LRRC4C: variants seen among roughly 807,000 people sequenced by gnomAD.
LRRC4C encodes the protein leucine rich repeat containing 4C.
A neutral mutation model predicts 33.6 loss-of-function variants in LRRC4C; 5 were observed. The observed-to-expected ratio is 0.15, with a 90% CI of 0.08 to 0.31. The LOEUF (loss-of-function observed/expected upper bound fraction) is 0.31. Among genes scored for constraint, LRRC4C ranks in the 10% least tolerant of loss-of-function variants. The probability of loss-of-function intolerance (pLI) is 1.00; values close to 1 mark genes in which losing one functional copy is unlikely to be tolerated. For synonymous variants in LRRC4C, 329 were observed against 302.0 expected (o/e 1.09, Z -0.93); for missense variants, 560 against 796.7 (o/e 0.70, Z 3.58).
At position 41,053,786 on chromosome 11, in the gene LRRC4C, T is replaced by G. The variant is rs964983774; in HGVS notation, c.-495-120063A>C. 5.3e-5 allele frequency among the ~76,000 whole-genome samples: 8 copies of G among 152,346 alleles called. No individual in the cohort carries two copies. The East Asian group carries it at 1.5e-3, about 29-fold the overall frequency. On this transcript the variant is annotated intron_variant, in intron 1 of 6. Transcript: ENST00000528697. Reference sequence around the variant, plus strand: ...GAGATTATTTTAAAGGGAATTAATATGTTTCTTTTTATGTTTTTCCATTTA... The same window carrying G: ...GAGATTATTTTAAAGGGAATTAATAGGTTTCTTTTTATGTTTTTCCATTTA...
intron 3 of LRRC4C, among the ~76,000 whole-genome samples, chr11:40,577,175 C>T (rs983064874): frequency 2.0e-5 from 3 of 152,244 alleles, no homozygotes; most frequent in East Asian, 1.9e-4. Flanking sequence ...GATATTTAGA[C>T]GTTTAGAAAA....
intron 1 of LRRC4C, among the ~76,000 whole-genome samples, chr11:41,155,041 A>C (rs913488743): frequency 6.6e-6 from 1 of 152,086 alleles, no homozygotes; most frequent in Non-Finnish European, 1.5e-5. Flanking sequence ...TTGTATTAGA[A>C]ATTATATTAG....
intron 2 of LRRC4C, among the ~76,000 whole-genome samples, chr11:40,827,701 T>A (rs542043841): frequency 4.0e-4 from 60 of 151,106 alleles, no homozygotes; most frequent in Non-Finnish European, 1.5e-5. Context: ...TCTTGATGAA[T>A]AATGAAATGA....
intron 2 of LRRC4C, among the ~76,000 whole-genome samples, chr11:40,771,887 TTTCTGTC>T (rs1949771084): frequency 6.6e-6 from 1 of 152,180 alleles, no homozygotes. Context: ...TTCTCACATC[TTTCTGTC>T]TTCTGAGCCC....
At chr11:40,687,949 A>G (rs1044216282) in intron 2 of LRRC4C, among the ~76,000 whole-genome samples, 1 of 151,918 alleles carries the variant, frequency 6.6e-6, no homozygotes, top group African/African-American at 2.4e-5. Context: ...AAATACCTGG[A>G]TAAACAATAT....
intron 1 of LRRC4C, among the ~76,000 whole-genome samples, chr11:41,227,743 C>A (rs1947606471): frequency 6.6e-6 from 1 of 152,052 alleles, no homozygotes; most frequent in Non-Finnish European, 1.5e-5. Flanking sequence ...GCATTCCTTC[C>A]CAATTTTTCT....
chr11:41,184,499 T>C (rs1945599753), intron 1 of LRRC4C, among the ~76,000 whole-genome samples: 1 of 152,166 alleles, frequency 6.6e-6, no homozygotes, highest in Non-Finnish European at 1.5e-5. Flanking sequence ...CAAGAGTCAC[T>C]TTTGTTCCAG....
intron 1 of LRRC4C, among the ~76,000 whole-genome samples, chr11:41,087,153 G>A (rs1199299779): frequency 1.3e-5 from 2 of 151,994 alleles, no homozygotes; most frequent in Non-Finnish European, 2.9e-5. Flanking sequence ...TCATTTTTAA[G>A]TTAATCATTG....
intron 1 of LRRC4C, among the ~76,000 whole-genome samples, chr11:41,305,044 G>T (rs1300663588): frequency 5.0e-5 from 2 of 39,964 alleles, no homozygotes; most frequent in African/African-American, 1.6e-4. Context: ...CGGGAGGGAG[G>T]TGGGGGGGGG....
intron 2 of LRRC4C, among the ~76,000 whole-genome samples, chr11:40,885,232 T>C (rs1158710157): frequency 6.6e-6 from 1 of 152,136 alleles, no homozygotes; most frequent in Non-Finnish European, 1.5e-5. Flanking sequence ...AATTGTTAAA[T>C]TTAAAGTTAT....
intron 2 of LRRC4C, among the ~76,000 whole-genome samples, chr11:40,839,895 A>T (rs1435682551): frequency 6.6e-6 from 1 of 152,208 alleles, no homozygotes; most frequent in South Asian, 2.1e-4. Flanking sequence ...TGAAACATCT[A>T]GAAAAATAAA....
At chr11:40,826,947 T>C (rs1952192333) in intron 2 of LRRC4C, among the ~76,000 whole-genome samples, 1 of 151,980 alleles carries the variant, frequency 6.6e-6, no homozygotes, top group Admixed American at 6.6e-5. Flanking sequence ...CTGAGAAATA[T>C]TACTATCCTT....
chr11:40,495,991 G>A (rs1954433576), intron 3 of LRRC4C, among the ~76,000 whole-genome samples: 2 of 151,678 alleles, frequency 1.3e-5, no homozygotes, highest in Admixed American at 6.6e-5. Context: ...CACCACGCCC[G>A]GCTAATTTTT....
chr11:41,334,677 A>C (rs1320016773), intron 1 of LRRC4C, among the ~76,000 whole-genome samples: 1 of 151,992 alleles, frequency 6.6e-6, no homozygotes, highest in Non-Finnish European at 1.5e-5. Flanking sequence ...CAAATATTAA[A>C]ATAAATAATT....
intron 1 of LRRC4C, among the ~76,000 whole-genome samples, chr11:41,196,578 T>C (rs1214970491): frequency 3.9e-5 from 6 of 152,108 alleles, no homozygotes; most frequent in Non-Finnish European, 7.4e-5. Context: ...TTATGAAAGA[T>C]ATTAATTTGG....
At chr11:40,460,234 G>A (rs1353080603) in intron 3 of LRRC4C, among the ~76,000 whole-genome samples, 1 of 152,050 alleles carries the variant, frequency 6.6e-6, no homozygotes, top group Non-Finnish European at 1.5e-5. Context: ...CAGGCACTGT[G>A]CTACATGTTT....
At chr11:40,476,317 C>G (rs1172566562) in intron 3 of LRRC4C, among the ~76,000 whole-genome samples, 2 of 148,212 alleles carry the variant, frequency 1.3e-5, no homozygotes, top group Non-Finnish European at 3.0e-5. Flanking sequence ...GGGATGAAAA[C>G]TAATGAGTGC....
intron 4 of LRRC4C, among the ~76,000 whole-genome samples, chr11:40,275,504 T>G (rs1044082138): frequency 1.3e-5 from 2 of 152,068 alleles, no homozygotes; most frequent in African/African-American, 4.8e-5. Flanking sequence ...CAGAAGCAGG[T>G]TGCTTTGATG....
At chr11:41,321,351 C>T (rs983328894) in intron 1 of LRRC4C, among the ~76,000 whole-genome samples, 12 of 152,148 alleles carry the variant, frequency 7.9e-5, no homozygotes, top group African/African-American at 2.4e-4. Flanking sequence ...AAAAAATCTT[C>T]ACAACTTTAC....
Sources: allele counts gnomAD v4.1 joint callset (sites outside exome capture counted in the v4.1 genomes callset), GRCh38; gene constraint gnomAD v4.1.1; transcripts MANE v1.5; gene names NCBI Gene and HGNC (gene_info 2026-07-23, HGNC 2026-07-21).